Variants in ZBTB10 observed in about 807,000 individuals in gnomAD.
ZBTB10 encodes the protein zinc finger and BTB domain containing 10.
A neutral mutation model predicts 76.4 loss-of-function variants in ZBTB10; 32 were observed. The observed-to-expected ratio is 0.42, with a 90% CI of 0.32 to 0.56. The LOEUF (loss-of-function observed/expected upper bound fraction) is 0.56, where lower values mean the gene tolerates loss of function less well. ZBTB10 is among the 20% of genes least tolerant of loss of function. The pLI, the probability that ZBTB10 is intolerant of heterozygous loss-of-function variation, is 0.14. For synonymous variants in ZBTB10, 523 were observed against 432.9 expected (o/e 1.21, Z -2.58); for missense variants, 1,057 against 1,098.5 (o/e 0.96, Z 0.53).
At chr8:80,494,450 C>A (rs1353435862) in intron 1 of ZBTB10, among the ~76,000 whole-genome samples, 1 of 152,052 alleles carries the variant, frequency 6.6e-6, no homozygotes, top group Non-Finnish European at 1.5e-5. Context: ...TTGTTTAGGC[C>A]CCAAGCTGGA....
intron 1 of ZBTB10, among the ~76,000 whole-genome samples, chr8:80,493,205 G>GCACACA (rs1475902734): frequency 6.3e-4 from 62 of 98,432 alleles, no homozygotes; most frequent in Admixed American, 9.2e-4. Flanking sequence ...GCGCGCGCGC[G>GCACACA]CGCACACACA....
chr8:80,519,198 T>C (rs745958646), intron 5 of ZBTB10, 25 bp from the exon 6 acceptor site: 12 of 1,603,546 alleles, frequency 7.5e-6, no homozygotes, highest in Middle Eastern at 1.8e-4. Flanking sequence ...TATCCTTATA[T>C]TGGATTTTTT....
chr8:80,487,426 A>T lies in ZBTB10; in HGVS notation c.616A>T (p.Ser206Cys). The T allele has an allele frequency of 1.3e-6, 2 of 1,543,624 alleles. No homozygotes were observed. Among genetic ancestry groups the T allele is most frequent in the Non-Finnish European group, 1.8e-6 (2 of 1,141,740 alleles). The change falls in exon 1 of 6, where the codon AGC becomes TGC. Residue 206 changes from serine to cysteine, a missense_variant. Physicochemically the swap from Ser to Cys is moderately radical, Grantham distance 112. Coordinates refer to ENST00000455036, the MANE Select transcript of ZBTB10 (RefSeq NM_001105539.3). Reference sequence around the variant, plus strand: ...CGGGGCGGAAGGCGGCAGCTGCAGCAGCAGCAGGCGGTCGGGCGGCGATGG... The same window carrying T: ...CGGGGCGGAAGGCGGCAGCTGCAGCTGCAGCAGGCGGTCGGGCGGCGATGG... ...GSGAEGGSCS[S>C]SRRSGGDGGD...
intron 2 of ZBTB10, among the ~76,000 whole-genome samples, chr8:80,504,253 T>A (rs1427427100): frequency 6.6e-6 from 1 of 152,216 alleles, no homozygotes; most frequent in Admixed American, 6.5e-5. Context: ...TTAAATAAAT[T>A]TGAAGTTCTA....
intron 1 of ZBTB10, among the ~76,000 whole-genome samples, chr8:80,499,216 C>T (rs973875853): frequency 6.6e-6 from 1 of 151,936 alleles, no homozygotes; most frequent in South Asian, 2.1e-4. Context: ...TTAAGAAATT[C>T]TCAATTCATG....
chr8:80,520,524 T>C lies in ZBTB10; in HGVS notation c.*996T>C, dbSNP rs1816426767. On this transcript the variant is annotated 3_prime_UTR_variant, in exon 6 of 6. Coordinates refer to ENST00000455036, the MANE Select transcript of ZBTB10 (RefSeq NM_001105539.3). ...TATAATTTATCCACCATGTCCAGTT[T>C]GGTTAGCTTGTTATGCAATATAAGT... The C allele has an allele frequency of 6.6e-6, 1 of 152,482 alleles. No individual in the cohort carries two copies. Among genetic ancestry groups the C allele is most frequent in the South Asian group, 2.1e-4 (1 of 4,834 alleles). The allele number at this position is 152,482 out of a possible 1,614,324, so 9.4% of individuals were successfully genotyped here.
rs1389175055 is a variant in ZBTB10 at position 80,486,488 on chromosome 8, G to A, written c.-323G>A. 2 of 985,230 alleles carry A rather than the reference G, an allele frequency of 2.0e-6. No individual in the cohort carries two copies. Among genetic ancestry groups the A allele is most frequent in the Non-Finnish European group, 2.4e-6 (2 of 829,982 alleles). 61.0% of individuals were successfully genotyped at this position (985,230 alleles called of 1,614,324 possible). A position where few individuals can be genotyped will look rare whatever the true frequency, so the allele number is the denominator to read the frequency against. On this transcript the variant is annotated 5_prime_UTR_variant, in exon 1 of 6. Coordinates refer to ENST00000455036, the MANE Select transcript of ZBTB10 (RefSeq NM_001105539.3). ...CTGCTCAACTTCGAAGGCCTCGCTC[G>A]CTGCAGGCTCGCTCCTCACCTCTCC...
intron 2 of ZBTB10, among the ~76,000 whole-genome samples, chr8:80,509,175 C>G (rs542265060): frequency 6.6e-6 from 1 of 152,142 alleles, no homozygotes; most frequent in African/African-American, 2.4e-5. Context: ...AAGGAGAAAA[C>G]TGAAGAGAAA....
chr8:80,485,961 C>G (rs1585830151), upstream of ZBTB10: 8 of 1,402,754 alleles, frequency 5.7e-6, no homozygotes, highest in South Asian at 9.1e-5. Context: ...CGGCCCCGGC[C>G]GCACACGCCC....
chr8:80,486,905 G>A lies in ZBTB10; in HGVS notation c.95G>A (p.Gly32Asp). 6.6e-7 allele frequency: 1 copy of A among 1,511,616 alleles called. No homozygotes were observed. Among genetic ancestry groups the A allele is most frequent in the Non-Finnish European group, 8.8e-7 (1 of 1,133,352 alleles). 93.6% of individuals were successfully genotyped at this position (1,511,616 alleles called of 1,614,324 possible). Residue 32 changes from glycine to aspartate, a missense_variant, in exon 1 of 6, where the codon GGC becomes GAC. Physicochemically the swap from Gly to Asp is moderately conservative, Grantham distance 94. Transcript: ENST00000455036. The part of the protein sequence containing the change: ...SGGGSTNNNA[G>D]GEASAWPPQP... ...GGCGGCTCCACGAACAATAACGCTG[G>A]CGGGGAGGCCTCAGCTTGGCCTCCG...
intron 1 of ZBTB10, among the ~76,000 whole-genome samples, chr8:80,496,350 ATATT>A (rs33910555): frequency 0.046 from 6,887 of 148,592 alleles, 571 homozygotes; most frequent in African/African-American, 0.16. Flanking sequence ...TTTGAAGGTC[ATATT>A]TATTTATGTG....
At chr8:80,514,677 A>C (rs1366554320) in intron 3 of ZBTB10, among the ~76,000 whole-genome samples, 1 of 152,216 alleles carries the variant, frequency 6.6e-6, no homozygotes, top group Non-Finnish European at 1.5e-5. Context: ...AATTATTCCC[A>C]TGGATTCCCA....
chr8:80,511,337 C>G (rs983193116), intron 2 of ZBTB10, among the ~76,000 whole-genome samples: 1 of 152,140 alleles, frequency 6.6e-6, no homozygotes, highest in Non-Finnish European at 1.5e-5. Flanking sequence ...TTCAACAATT[C>G]ACTGTAGAAT....
chr8:80,504,817 C>T (rs1816010032), intron 2 of ZBTB10, among the ~76,000 whole-genome samples: 2 of 152,060 alleles, frequency 1.3e-5, no homozygotes, highest in African/African-American at 4.8e-5. Flanking sequence ...AAATTTTAGC[C>T]AAATAAAGTA....
intron 1 of ZBTB10, among the ~76,000 whole-genome samples, chr8:80,492,062 C>G (rs6473232): frequency 0.38 from 57,148 of 152,124 alleles, 14,259 homozygotes; most frequent in African/African-American, 0.72. Context: ...TGGTTGGTTA[C>G]TTGGTTGGTT....
In ZBTB10 at chr8:80,496,906, G is replaced by A. The variant is rs1815797442; in HGVS notation, c.973-2588G>A. On this transcript the variant is annotated intron_variant, in intron 1 of 5. Transcript: ENST00000455036. Reference sequence around the variant, plus strand: ...ATTCATGCTTTTACTATAATATATAGTAGATTGAACACTGAACCAAATGAG... The same window carrying A: ...ATTCATGCTTTTACTATAATATATAATAGATTGAACACTGAACCAAATGAG... Among the ~76,000 whole-genome samples the A allele has an allele frequency of 2.6e-5, 4 of 152,268 alleles. No individual in the cohort carries two copies. The Middle Eastern group carries it at 0.01, about 388-fold the overall frequency.
chr8:80,514,469 A>G (rs895913988), intron 3 of ZBTB10, among the ~76,000 whole-genome samples: 1 of 152,230 alleles, frequency 6.6e-6, no homozygotes, highest in Non-Finnish European at 1.5e-5. Context: ...TATGAATAAA[A>G]TAGAGTAAAA....
At position 80,501,610 on chromosome 8, in the gene ZBTB10, CTGTGAA is replaced by C. The variant is rs201353577; in HGVS notation, c.1861+1229_1861+1234del. 2.3e-3 allele frequency among the ~76,000 whole-genome samples: 354 copies of C among 152,204 alleles called. 7 individuals carry two copies. The East Asian group carries it at 0.028, about 12-fold the overall frequency. Reference sequence around the variant, plus strand: ...CAGAGGGCAAAATGCCATAGTAATCCTGTGAAATGTTCCTCTGGCTTTTTAGATTTG... The same window carrying C: ...CAGAGGGCAAAATGCCATAGTAATCCATGTTCCTCTGGCTTTTTAGATTTG... On this transcript the variant is annotated intron_variant, in intron 2 of 5. Transcript: ENST00000455036.
At chr8:80,492,977 G>A (rs1430888163) in intron 1 of ZBTB10, among the ~76,000 whole-genome samples, 2 of 151,836 alleles carry the variant, frequency 1.3e-5, no homozygotes, top group Non-Finnish European at 2.9e-5. Context: ...ACTTTGGGAG[G>A]CCGAGGTGGG....
Sources: allele counts gnomAD v4.1 joint callset (sites outside exome capture counted in the v4.1 genomes callset), GRCh38; gene constraint gnomAD v4.1.1; transcripts MANE v1.5; gene names NCBI Gene and HGNC (gene_info 2026-07-23, HGNC 2026-07-21).